Variants in TRPM3 observed in about 807,000 individuals in gnomAD.
TRPM3 encodes the protein long transient receptor potential channel 3.
TRPM3 carries 77 observed loss-of-function variants against 181.2 expected under a neutral mutation model. That is an observed-to-expected ratio of 0.42 (90% confidence interval 0.35 to 0.51). The LOEUF (loss-of-function observed/expected upper bound fraction) is 0.51, where lower values mean the gene tolerates loss of function less well. TRPM3 is among the 20% of genes least tolerant of loss of function. The pLI is 0.01. For synonymous variants in TRPM3, 745 were observed against 796.4 expected (o/e 0.94, Z 1.09); for missense variants, 1,759 against 2,196.7 (o/e 0.80, Z 3.98).
intron 1 of TRPM3, among the ~76,000 whole-genome samples, chr9:70,973,979 A>G (rs1188638816): frequency 1.3e-5 from 2 of 152,224 alleles, no homozygotes; most frequent in African/African-American, 4.8e-5. Flanking sequence ...AAATGCCTGC[A>G]CATAGTTAAT....
intron 1 of TRPM3, among the ~76,000 whole-genome samples, chr9:71,186,800 T>C (rs986516857): frequency 5.3e-5 from 8 of 152,076 alleles, no homozygotes; most frequent in Non-Finnish European, 1.0e-4. Flanking sequence ...TTCTTACATA[T>C]ATTATTGTTG....
chr9:71,278,572 C>T (rs1443413549), intron 1 of TRPM3, among the ~76,000 whole-genome samples: 1 of 152,180 alleles, frequency 6.6e-6, no homozygotes, highest in Non-Finnish European at 1.5e-5. Context: ...AAGAAAAGTA[C>T]ATATGCAACA....
intron 1 of TRPM3, among the ~76,000 whole-genome samples, chr9:71,421,448 C>A (rs1261150592): frequency 6.6e-6 from 1 of 151,840 alleles, no homozygotes; most frequent in Non-Finnish European, 1.5e-5. Context: ...CAAAGGTGTC[C>A]CTCCTCCTTT....
At chr9:71,398,173 C>A (rs780441262) in intron 1 of TRPM3, among the ~76,000 whole-genome samples, 18 of 152,148 alleles carry the variant, frequency 1.2e-4, no homozygotes, top group Non-Finnish European at 2.2e-4. Context: ...GTGTTAGTTA[C>A]CCTTTATAAG....
At chr9:70,615,874 G>T in intron 18 of TRPM3, 34 bp downstream of exon 18, 3 of 1,572,046 alleles carry the variant, frequency 1.9e-6, no homozygotes, top group Non-Finnish European at 2.6e-6. Context: ...TAGGAATTCT[G>T]CCCATAGAGA....
At chr9:71,053,490 G>T (rs2060297391) in intron 1 of TRPM3, among the ~76,000 whole-genome samples, 1 of 152,114 alleles carries the variant, frequency 6.6e-6, no homozygotes, top group Admixed American at 6.6e-5. Context: ...AAAAGCAGTG[G>T]CAGAGAATGA....
At chr9:70,629,215 C>CGGGGG (rs550040624) in intron 12 of TRPM3, among the ~76,000 whole-genome samples, 130 of 10,158 alleles carry the variant, frequency 0.013, 46 homozygotes, top group East Asian at 0.058. Flanking sequence ...TGACCAGTGC[C>CGGGGG]GGGGGGGGGG....
chr9:71,195,663 T>C (rs2078304996), intron 1 of TRPM3, among the ~76,000 whole-genome samples: 1 of 152,112 alleles, frequency 6.6e-6, no homozygotes, highest in South Asian at 2.1e-4. Flanking sequence ...CATGAATATG[T>C]TCTCTGTAGC....
intron 6 of TRPM3, among the ~76,000 whole-genome samples, chr9:70,796,057 C>T (rs1304380432): frequency 6.6e-6 from 1 of 152,200 alleles, no homozygotes. Context: ...TAGTCTTAGT[C>T]TCTGCTCTGT....
intron 1 of TRPM3, among the ~76,000 whole-genome samples, chr9:71,118,166 C>G (rs150626227): frequency 1.3e-3 from 202 of 152,272 alleles, no homozygotes; most frequent in African/African-American, 4.1e-3. Flanking sequence ...CATTTGAAAA[C>G]AGGCTCTGTC....
upstream of TRPM3, among the ~76,000 whole-genome samples, chr9:71,124,230 C>T (rs999589337): frequency 1.3e-5 from 2 of 151,834 alleles, no homozygotes; most frequent in Non-Finnish European, 2.9e-5. Context: ...GTTTTCAAGA[C>T]CCTTCTCTCT....
At chr9:70,570,789 C>T (rs929242651) in intron 22 of TRPM3, among the ~76,000 whole-genome samples, 9 of 152,114 alleles carry the variant, frequency 5.9e-5, no homozygotes, top group African/African-American at 2.2e-4. Context: ...GCCACCGAAT[C>T]ATTTGAGATC....
At chr9:71,032,139 G>GATTATATATACTATATATTGTATAATAT (rs2057573701) in intron 1 of TRPM3, among the ~76,000 whole-genome samples, 1 of 93,922 alleles carries the variant, frequency 1.1e-5, no homozygotes, top group Non-Finnish European at 2.1e-5. Context: ...CTTAATGGTG[G>GATTATATATACTATATATTGTATAATAT]ATTATATATA....
intron 1 of TRPM3, chr9:70,869,097 C>T (rs2095727022): frequency 1.0e-6 from 1 of 977,708 alleles, no homozygotes; most frequent in Non-Finnish European, 1.2e-6. Flanking sequence ...TTATGACCGC[C>T]CACTGGAAAA....
intron 1 of TRPM3, among the ~76,000 whole-genome samples, chr9:71,113,272 A>G (rs529073989): frequency 6.6e-6 from 1 of 152,256 alleles, no homozygotes; most frequent in African/African-American, 2.4e-5. Context: ...TGGAACAGAG[A>G]TATATTTATG....
chr9:71,204,000 G>A (rs1018544492), intron 1 of TRPM3, among the ~76,000 whole-genome samples: 1 of 151,984 alleles, frequency 6.6e-6, no homozygotes. Flanking sequence ...GGGAAAACTG[G>A]CTAGCCATAT....
At chr9:70,767,238 T>C (rs759683016) in intron 7 of TRPM3, among the ~76,000 whole-genome samples, 65 of 152,198 alleles carry the variant, frequency 4.3e-4, no homozygotes, top group Admixed American at 7.2e-4. Context: ...TTCTTTCCTA[T>C]GTTTGGGAAA....
chr9:70,870,238 T>A (rs2095759449), intron 1 of TRPM3, among the ~76,000 whole-genome samples: 4 of 152,062 alleles, frequency 2.6e-5, no homozygotes, highest in Admixed American at 2.6e-4. Context: ...CTGAGCCATC[T>A]TTTTAGCCCT....
chr9:71,177,396 A>T (rs1233491404), intron 1 of TRPM3, among the ~76,000 whole-genome samples: 1 of 152,086 alleles, frequency 6.6e-6, no homozygotes, highest in Non-Finnish European at 1.5e-5. Flanking sequence ...TCTCCCACTA[A>T]ACCCATCCCT....
Sources: gnomAD v4.1 joint callset for allele counts (sites outside exome capture counted in the v4.1 genomes callset) on GRCh38, gnomAD v4.1.1 for gene constraint, MANE v1.5 for transcripts, NCBI Gene and HGNC (gene_info 2026-07-23, HGNC 2026-07-21) for gene names.